Variants in GALNT14 observed in about 807,000 individuals in gnomAD.
GALNT14 encodes the protein UDP-GalNAc:polypeptide N-acetylgalactosaminyltransferase 14.
GALNT14 carries 60 observed loss-of-function variants against 77.5 expected under a neutral mutation model. The ratio of observed to expected loss-of-function variants is 0.77; its 90% CI spans 0.63 to 0.96. The LOEUF (loss-of-function observed/expected upper bound fraction) is 0.96. GALNT14 is among the 40% of genes least tolerant of loss of function. The probability of loss-of-function intolerance (pLI) is 0.00; values close to 1 mark genes in which losing one functional copy is unlikely to be tolerated. For synonymous variants in GALNT14, 280 were observed against 281.7 expected, an observed-to-expected ratio of 0.99 and a Z score of 0.06; for missense variants, 710 against 731.0, an observed-to-expected ratio of 0.97 and a Z score of 0.33.
chr2:30,979,534 G>A (rs1253619233), intron 2 of GALNT14, among the ~76,000 whole-genome samples: 1 of 152,170 alleles, frequency 6.6e-6, no homozygotes, highest in Non-Finnish European at 1.5e-5. Context: ...CCAGGCCACG[G>A]TTATCATGAG....
At chr2:31,097,087 T>C (rs1677040231) in intron 1 of GALNT14, among the ~76,000 whole-genome samples, 1 of 152,144 alleles carries the variant, frequency 6.6e-6, no homozygotes, top group East Asian at 1.9e-4. Flanking sequence ...CTCTGTATAG[T>C]AGCCAGTGGT....
chr2:31,041,757 A>G (rs1395333069), intron 1 of GALNT14, among the ~76,000 whole-genome samples: 1 of 152,150 alleles, frequency 6.6e-6, no homozygotes, highest in Non-Finnish European at 1.5e-5. Context: ...AAAAGATGGA[A>G]AAGTAGTCAC....
chr2:31,057,681 T>C (rs1053316392), intron 1 of GALNT14, among the ~76,000 whole-genome samples: 24 of 152,188 alleles, frequency 1.6e-4, no homozygotes, highest in South Asian at 1.5e-3. Context: ...TAACTCAGCT[T>C]AGTGAGATGG....
intron 13 of GALNT14, among the ~76,000 whole-genome samples, chr2:30,920,159 G>C (rs893736181): frequency 2.0e-5 from 3 of 152,186 alleles, no homozygotes; most frequent in Admixed American, 2.0e-4. Flanking sequence ...GCATCAGCAA[G>C]AGCAGAGCTA....
At chr2:30,976,099 C>T (rs1365596662) in intron 2 of GALNT14, among the ~76,000 whole-genome samples, 1 of 152,162 alleles carries the variant, frequency 6.6e-6, no homozygotes, top group Non-Finnish European at 1.5e-5. Flanking sequence ...TTTGACTACT[C>T]TCAGCAAAAA....
chr2:31,040,811 A>T (rs965112404), intron 1 of GALNT14, among the ~76,000 whole-genome samples: 6 of 152,218 alleles, frequency 3.9e-5, no homozygotes, highest in African/African-American at 1.4e-4. Context: ...AAATAAAGAA[A>T]TGTGACATTT....
chr2:31,043,503 C>A (rs773127142), intron 1 of GALNT14, among the ~76,000 whole-genome samples: 4 of 152,110 alleles, frequency 2.6e-5, no homozygotes, highest in Non-Finnish European at 5.9e-5. Context: ...AGGGGAAAAT[C>A]CACAGCTCAA....
At chr2:30,921,114 C>A (rs1665006541) in intron 13 of GALNT14, among the ~76,000 whole-genome samples, 1 of 152,138 alleles carries the variant, frequency 6.6e-6, no homozygotes, top group Admixed American at 6.5e-5. Context: ...GCACTATTAC[C>A]TTCTGGTCAA....
chr2:31,121,195 C>T (rs1386479554), intron 1 of GALNT14, among the ~76,000 whole-genome samples: 8 of 152,188 alleles, frequency 5.3e-5, no homozygotes, highest in Non-Finnish European at 1.2e-4. Context: ...ATGGCCCTGC[C>T]AAGGCTTCAT....
chr2:30,887,387 CT>C, the GALNT14 span, among the ~76,000 whole-genome samples: 22 of 151,994 alleles, frequency 1.4e-4, no homozygotes, highest in South Asian at 4.2e-4. Context: ...TAATTATTTT[CT>C]TTTTTTTAAT....
the GALNT14 span, among the ~76,000 whole-genome samples, chr2:30,892,870 A>G: frequency 6.6e-6 from 1 of 152,206 alleles, no homozygotes; most frequent in Non-Finnish European, 1.5e-5. Context: ...CTAACTTGTT[A>G]GCTTATACAT....
chr2:30,944,975 C>T (rs771744679), intron 7 of GALNT14, 33 bp from the exon 8 acceptor site: 9 of 1,544,718 alleles, frequency 5.8e-6, no homozygotes, highest in Admixed American at 5.5e-5. Context: ...CTGCTTTGGT[C>T]TCTCAAAAGC....
At chr2:31,057,374 GTA>G (rs201931090) in intron 1 of GALNT14, among the ~76,000 whole-genome samples, 3,529 of 25,338 alleles carry the variant, frequency 0.14, 75 homozygotes, top group East Asian at 0.24. Context: ...GTGTGTGTGT[GTA>G]TATATATATA....
chr2:30,952,513 A>T (rs1667088623), intron 6 of GALNT14, among the ~76,000 whole-genome samples: 1 of 149,762 alleles, frequency 6.7e-6, no homozygotes, highest in Non-Finnish European at 1.5e-5. Flanking sequence ...TGCAAGAACA[A>T]AAAACCAAAC....
chr2:30,930,270 G>C (rs1665648293), intron 10 of GALNT14, among the ~76,000 whole-genome samples: 2 of 152,280 alleles, frequency 1.3e-5, no homozygotes, highest in South Asian at 4.2e-4. Flanking sequence ...CTTGCTCCTG[G>C]GTTCTATCCT....
At chr2:30,893,442 T>G in the GALNT14 span, among the ~76,000 whole-genome samples, 1 of 151,928 alleles carries the variant, frequency 6.6e-6, no homozygotes, top group Non-Finnish European at 1.5e-5. Flanking sequence ...AGAAAGGAGG[T>G]TTATTGTAAT....
intron 1 of GALNT14, among the ~76,000 whole-genome samples, chr2:31,097,678 T>C (rs1677071046): frequency 2.6e-5 from 4 of 152,178 alleles, no homozygotes; most frequent in Admixed American, 2.6e-4. Context: ...CCTATTTGGG[T>C]CACACTTCCT....
At chr2:30,971,089 A>G (rs1175303237) in intron 2 of GALNT14, among the ~76,000 whole-genome samples, 1 of 152,136 alleles carries the variant, frequency 6.6e-6, no homozygotes, top group African/African-American at 2.4e-5. Flanking sequence ...GGACCAAGGG[A>G]TGAGCATGGG....
At chr2:30,955,469 A>T in intron 6 of GALNT14, 149 bp downstream of exon 6, 1 of 1,041,824 alleles carries the variant, frequency 9.6e-7, no homozygotes, top group South Asian at 1.6e-5. Context: ...GCTCTACCTT[A>T]GTTCCTTCAT....
Sources: gnomAD v4.1 joint callset for allele counts (sites outside exome capture counted in the v4.1 genomes callset) on GRCh38, gnomAD v4.1.1 for gene constraint, MANE v1.5 for transcripts, NCBI Gene and HGNC (gene_info 2026-07-23, HGNC 2026-07-21) for gene names.